Variants in PMFBP1 observed in about 807,000 individuals in gnomAD.
The protein encoded by PMFBP1 is polyamine modulated factor 1 binding protein 1.
In PMFBP1, 131 loss-of-function variants were observed where a neutral mutation model predicts 137.8. That is an observed-to-expected ratio of 0.95 (90% CI 0.82 to 1.10). The LOEUF is 1.10. Ranked by LOEUF, PMFBP1 falls within the 50% of genes least tolerant of loss-of-function variation. The probability of loss-of-function intolerance (pLI) is 0.00; values close to 1 mark genes in which losing one functional copy is unlikely to be tolerated. For synonymous variants in PMFBP1, 490 were observed against 450.4 expected (o/e 1.09, Z -1.11); for missense variants, 1,199 against 1,175.4 (o/e 1.02, Z -0.29).
chr16:72,237,037 G>A, the PMFBP1 span, among the ~76,000 whole-genome samples: 1 of 152,246 alleles, frequency 6.6e-6, no homozygotes, highest in Non-Finnish European at 1.5e-5. Flanking sequence ...GACTCCTCTT[G>A]ATCCAGATTT....
intron 3 of PMFBP1, among the ~76,000 whole-genome samples, chr16:72,155,903 C>T (rs1479622596): frequency 6.6e-6 from 1 of 152,134 alleles, no homozygotes; most frequent in African/African-American, 2.4e-5. Flanking sequence ...TGCTTTCTGC[C>T]TCTATGGATT....
intron 11 of PMFBP1, 71 bp from the exon 12 acceptor site, chr16:72,130,428 A>T: frequency 1.2e-6 from 2 of 1,608,578 alleles, no homozygotes; most frequent in Admixed American, 1.7e-5. Context: ...AGCTGACCCA[A>T]TGGGAAATCC....
chr16:72,191,767 C>G, the PMFBP1 span, among the ~76,000 whole-genome samples: 1 of 152,192 alleles, frequency 6.6e-6, no homozygotes, highest in African/African-American at 2.4e-5. Context: ...CTGGGGAATT[C>G]TGGAATCCTC....
the PMFBP1 span, among the ~76,000 whole-genome samples, chr16:72,190,782 T>C: frequency 6.6e-6 from 1 of 152,042 alleles, no homozygotes; most frequent in Non-Finnish European, 1.5e-5. Flanking sequence ...ACAATGTAAT[T>C]ATTATTTCTT....
intron 10 of PMFBP1, among the ~76,000 whole-genome samples, chr16:72,131,418 C>T (rs1333701446): frequency 2.0e-5 from 3 of 152,170 alleles, no homozygotes; most frequent in African/African-American, 7.2e-5. Context: ...AAAAGAAAAA[C>T]TGCTTCAGGA....
chr16:72,202,586 A>G, the PMFBP1 span, among the ~76,000 whole-genome samples: 4 of 152,150 alleles, frequency 2.6e-5, no homozygotes, highest in African/African-American at 7.2e-5. Context: ...GCTGACATCA[A>G]CACTTCATTG....
At chr16:72,207,232 G>A in the PMFBP1 span, among the ~76,000 whole-genome samples, 1 of 152,188 alleles carries the variant, frequency 6.6e-6, no homozygotes, top group African/African-American at 2.4e-5. Context: ...TGCACATGAG[G>A]AGGAGGCTGG....
chr16:72,240,635 G>A, the PMFBP1 span, among the ~76,000 whole-genome samples: 1 of 152,198 alleles, frequency 6.6e-6, no homozygotes, highest in Non-Finnish European at 1.5e-5. Context: ...GTGCAGCCAA[G>A]CTGTAGAGGC....
intron 10 of PMFBP1, among the ~76,000 whole-genome samples, chr16:72,131,165 AG>A (rs1219716503): frequency 6.6e-6 from 1 of 152,302 alleles, no homozygotes. Context: ...ATGTAGAAAA[AG>A]AAGTGGGAGG....
At position 72,126,014 on chromosome 16, in the gene PMFBP1, C is replaced by A; in HGVS notation, c.2207G>T (p.Arg736Leu). 1 of 1,614,148 alleles carries A rather than the reference C, an allele frequency of 6.2e-7. No homozygotes were observed. Among genetic ancestry groups the A allele is most frequent in the South Asian group, 1.1e-5 (1 of 91,078 alleles). ...ITKEAYDALS[R>L]KSAACQDDLT... ...GTCATCCTGGCAGGCGGCTGACTTC[C>A]GGGATAATGCATCATAGGCTTCTTT... is the stretch of plus-strand genomic sequence containing the variant. The change falls in exon 15 of 21, where the codon CGG (arginine) becomes CTG (leucine). Residue 736 changes from arginine to leucine, a missense_variant. Arg to Leu is a moderately radical substitution (Grantham distance 102). Transcript: ENST00000237353.
At chr16:72,196,572 C>T in the PMFBP1 span, among the ~76,000 whole-genome samples, 1 of 152,236 alleles carries the variant, frequency 6.6e-6, no homozygotes, top group African/African-American at 2.4e-5. Flanking sequence ...GTTCTACATG[C>T]ACGGCACTCC....
chr16:72,192,077 T>G, the PMFBP1 span, among the ~76,000 whole-genome samples: 2 of 152,240 alleles, frequency 1.3e-5, no homozygotes, highest in Non-Finnish European at 2.9e-5. Context: ...GGCATTCCTC[T>G]GACCCTTGCC....
chr16:72,189,835 T>G, the PMFBP1 span, among the ~76,000 whole-genome samples: 3 of 152,194 alleles, frequency 2.0e-5, no homozygotes, highest in South Asian at 6.2e-4. Flanking sequence ...TTTTAATGGA[T>G]AATTTGGTGG....
At chr16:72,217,121 A>C in the PMFBP1 span, among the ~76,000 whole-genome samples, 1 of 152,258 alleles carries the variant, frequency 6.6e-6, no homozygotes, top group South Asian at 2.1e-4. Flanking sequence ...TAGTCCGTGC[A>C]TCTAGGTGAA....
intron 2 of PMFBP1, among the ~76,000 whole-genome samples, chr16:72,166,637 C>A (rs1305924352): frequency 6.6e-6 from 1 of 152,194 alleles, no homozygotes; most frequent in Admixed American, 6.5e-5. Context: ...AGTATAGGTA[C>A]ATTTTCAGAG....
chr16:72,159,552 T>C (rs948704945), intron 3 of PMFBP1, among the ~76,000 whole-genome samples: 3 of 152,206 alleles, frequency 2.0e-5, no homozygotes, highest in Admixed American at 2.0e-4. Flanking sequence ...AAACTAGAGT[T>C]CTTTGGATAG....
the PMFBP1 span, among the ~76,000 whole-genome samples, chr16:72,227,599 A>G: frequency 6.6e-6 from 1 of 152,176 alleles, no homozygotes; most frequent in Non-Finnish European, 1.5e-5. Context: ...TGAAAATATG[A>G]TTTCAAAGGG....
chr16:72,212,352 G>C, the PMFBP1 span, among the ~76,000 whole-genome samples: 5 of 152,010 alleles, frequency 3.3e-5, no homozygotes, highest in African/African-American at 1.2e-4. Flanking sequence ...GAACAGATAA[G>C]ATATATAGAG....
chr16:72,215,502 A>T, the PMFBP1 span, among the ~76,000 whole-genome samples: 2 of 152,216 alleles, frequency 1.3e-5, no homozygotes, highest in Non-Finnish European at 2.9e-5. Context: ...ACAACCCTGA[A>T]TTTTATACCC....
Sources: gnomAD v4.1 joint callset for allele counts (sites outside exome capture counted in the v4.1 genomes callset) on GRCh38, gnomAD v4.1.1 for gene constraint, MANE v1.5 for transcripts, NCBI Gene and HGNC (gene_info 2026-07-23, HGNC 2026-07-21) for gene names.